The following LOC128462377 variants were observed in gnomAD, a reference collection of about 807,000 sequenced individuals.
the LOC128462377 span, among the ~76,000 whole-genome samples, chr16:89,392,225 G>A: frequency 1.3e-5 from 2 of 152,232 alleles, no homozygotes; most frequent in African/African-American, 2.4e-5. Context: ...AACTGCAGGC[G>A]AGTGTACCCT....
chr16:89,368,630 G>T, the LOC128462377 span, among the ~76,000 whole-genome samples: 1 of 150,932 alleles, frequency 6.6e-6, no homozygotes, highest in Non-Finnish European at 1.5e-5. Context: ...AAAAAGGGCT[G>T]GGTGCCATGG....
At chr16:89,326,431 C>T in the LOC128462377 span, among the ~76,000 whole-genome samples, 20 of 152,094 alleles carry the variant, frequency 1.3e-4, no homozygotes, top group African/African-American at 4.8e-4. Context: ...CACCCACCCA[C>T]TGCTCAATCT....
the LOC128462377 span, among the ~76,000 whole-genome samples, chr16:89,326,965 C>G: frequency 6.6e-6 from 1 of 151,354 alleles, no homozygotes; most frequent in Non-Finnish European, 1.5e-5. Context: ...GCAGGTACAG[C>G]AAGAAGTCCA....
the LOC128462377 span, among the ~76,000 whole-genome samples, chr16:89,376,874 T>C: frequency 1.3e-5 from 2 of 152,216 alleles, no homozygotes; most frequent in African/African-American, 4.8e-5. Flanking sequence ...TGCTACTGTT[T>C]TGTGCAAATG....
At chr16:89,364,239 G>A in the LOC128462377 span, among the ~76,000 whole-genome samples, 1 of 152,210 alleles carries the variant, frequency 6.6e-6, no homozygotes, top group East Asian at 1.9e-4. Context: ...CACACAGACT[G>A]AAGTATGAAA....
the LOC128462377 span, among the ~76,000 whole-genome samples, chr16:89,409,044 T>C: frequency 6.6e-6 from 1 of 152,166 alleles, no homozygotes; most frequent in African/African-American, 2.4e-5. Flanking sequence ...CAGCAGAGAA[T>C]TCAGAAAAGC....
the LOC128462377 span, among the ~76,000 whole-genome samples, chr16:89,362,798 G>T: frequency 6.6e-6 from 1 of 152,096 alleles, no homozygotes; most frequent in South Asian, 2.1e-4. Flanking sequence ...TTAGTTGAAG[G>T]TGTTTTTACC....
At chr16:89,341,758 C>G in the LOC128462377 span, among the ~76,000 whole-genome samples, 1 of 152,214 alleles carries the variant, frequency 6.6e-6, no homozygotes, top group Admixed American at 6.5e-5. Context: ...TCTCTCTGCA[C>G]AAACGTGCAC....
the LOC128462377 span, among the ~76,000 whole-genome samples, chr16:89,337,429 CTT>C: frequency 4.4e-3 from 232 of 53,086 alleles, no homozygotes; most frequent in African/African-American, 0.017. Context: ...CTAAGCAATT[CTT>C]TTTTTTTTTT....
chr16:89,416,300 G>C, the LOC128462377 span, among the ~76,000 whole-genome samples: 5 of 151,730 alleles, frequency 3.3e-5, no homozygotes, highest in African/African-American at 1.2e-4. Context: ...TGAATCCATC[G>C]ATTTTTTTTT....
the LOC128462377 span, chr16:89,343,842 C>T: frequency 6.6e-6 from 1 of 152,336 alleles, no homozygotes; most frequent in South Asian, 2.1e-4. Flanking sequence ...TTATGCTTCG[C>T]AGGCGGTAAG....
the LOC128462377 span, among the ~76,000 whole-genome samples, chr16:89,351,916 A>G: frequency 6.6e-6 from 1 of 152,112 alleles, no homozygotes; most frequent in Non-Finnish European, 1.5e-5. Context: ...TCAAGCTGGT[A>G]TTATCTCTTT....
At chr16:89,369,297 G>A in the LOC128462377 span, among the ~76,000 whole-genome samples, 3 of 152,248 alleles carry the variant, frequency 2.0e-5, no homozygotes, top group South Asian at 2.1e-4. Context: ...CACGACACTC[G>A]CAGGTCTGTG....
the LOC128462377 span, among the ~76,000 whole-genome samples, chr16:89,398,442 A>G: frequency 7.3e-6 from 1 of 136,604 alleles, no homozygotes; most frequent in African/African-American, 2.9e-5. Context: ...GGACACTGTG[A>G]AACAGCTGAA....
At chr16:89,352,492 C>T in the LOC128462377 span, among the ~76,000 whole-genome samples, 3 of 152,100 alleles carry the variant, frequency 2.0e-5, no homozygotes, top group Admixed American at 1.3e-4. Flanking sequence ...CTTCAAGGCT[C>T]ACACCCTTCA....
the LOC128462377 span, among the ~76,000 whole-genome samples, chr16:89,326,737 G>A: frequency 6.6e-6 from 1 of 152,122 alleles, no homozygotes; most frequent in Non-Finnish European, 1.5e-5. Flanking sequence ...GCAAGACCCT[G>A]TGTGAAAAAA....
chr16:89,353,541 A>G, the LOC128462377 span, among the ~76,000 whole-genome samples: 2,165 of 151,342 alleles, frequency 0.014, 40 homozygotes, highest in African/African-American at 0.049. Context: ...ACAGTGGTGC[A>G]ATCTCGGCTC....
the LOC128462377 span, among the ~76,000 whole-genome samples, chr16:89,335,579 G>A: frequency 6.6e-6 from 1 of 152,252 alleles, no homozygotes; most frequent in African/African-American, 2.4e-5. Flanking sequence ...AGAACAGCGA[G>A]TGACGTCGCT....
At chr16:89,388,569 T>A in the LOC128462377 span, among the ~76,000 whole-genome samples, 1 of 152,026 alleles carries the variant, frequency 6.6e-6, no homozygotes, top group Non-Finnish European at 1.5e-5. Context: ...GAATGCTGCA[T>A]GTGTGTCTCT....
Sources: gnomAD v4.1 joint callset for allele counts (sites outside exome capture counted in the v4.1 genomes callset) on GRCh38, gnomAD v4.1.1 for gene constraint, MANE v1.5 for transcripts.